The following MYO16 variants were observed in gnomAD, a reference collection of about 807,000 sequenced individuals.
MYO16 encodes myosin XVI.
MYO16 carries 94 observed loss-of-function variants against 205.3 expected under a neutral mutation model. That is an observed-to-expected ratio of 0.46 (90% confidence interval 0.39 to 0.54). The LOEUF is 0.54. MYO16 is among the 20% of genes least tolerant of loss of function. MYO16 has a pLI of 0.00. For synonymous variants in MYO16, 988 were observed against 954.0 expected (o/e 1.04, Z -0.66); for missense variants, 2,315 against 2,387.5 (o/e 0.97, Z 0.63).
At chr13:108,546,796 A>G in the MYO16 span, among the ~76,000 whole-genome samples, 21 of 152,178 alleles carry the variant, frequency 1.4e-4, no homozygotes, top group Non-Finnish European at 2.8e-4. Context: ...CTTGTTTGTC[A>G]GTGTAGTCAA....
chr13:109,029,667 G>A (rs1204977420), intron 23 of MYO16, among the ~76,000 whole-genome samples: 1 of 152,092 alleles, frequency 6.6e-6, no homozygotes, highest in East Asian at 1.9e-4. Flanking sequence ...TTTGACAAAG[G>A]TATTTTGACC....
Position 108,714,640 on chromosome 13 carries a change from T to C in MYO16, c.363+1909T>C, listed in dbSNP as rs552777579. 1.8e-4 allele frequency among the ~76,000 whole-genome samples: 27 copies of C among 150,280 alleles called. 1 individual carries two copies. In the East Asian group the frequency reaches 5.1e-3, roughly 29 times the overall value. ...TATATATAGAGAGAGAGAGATTAGA[T>C]ATGTTAATTTTTATATTTTTCAAAA... On this transcript the variant is annotated intron_variant, in intron 3 of 34. Coordinates refer to ENST00000457511, the MANE Select transcript of MYO16 (RefSeq NM_001198950.3).
intron 1 of MYO16, among the ~76,000 whole-genome samples, chr13:108,597,667 C>T (rs1420158814): frequency 6.6e-6 from 1 of 152,086 alleles, no homozygotes; most frequent in African/African-American, 2.4e-5. Flanking sequence ...CCTCTCCTGC[C>T]CTGCCGTTCC....
chr13:108,913,746 G>A (rs1428425420), intron 16 of MYO16, among the ~76,000 whole-genome samples: 1 of 152,110 alleles, frequency 6.6e-6, no homozygotes, highest in African/African-American at 2.4e-5. Flanking sequence ...CCTTGTGGAC[G>A]AACTATAACC....
At chr13:108,618,592 A>G (rs1184329318) in intron 1 of MYO16, among the ~76,000 whole-genome samples, 24 of 152,084 alleles carry the variant, frequency 1.6e-4, no homozygotes, top group Non-Finnish European at 1.5e-5. Flanking sequence ...CATTTTCCAC[A>G]CTGTGTTATA....
At chr13:108,945,960 C>T (rs1260817572) in intron 16 of MYO16, among the ~76,000 whole-genome samples, 1 of 152,078 alleles carries the variant, frequency 6.6e-6, no homozygotes, top group Non-Finnish European at 1.5e-5. Flanking sequence ...CCCATGATAT[C>T]CTGAAGCCAG....
chr13:108,561,559 TAAAGTGTGTTCC>T, the MYO16 span, among the ~76,000 whole-genome samples: 1 of 152,254 alleles, frequency 6.6e-6, no homozygotes, highest in Non-Finnish European at 1.5e-5. Context: ...TTAGGTATTA[TAAAGTGTGTTCC>T]ATTCTGTGCC....
chr13:108,560,439 A>T, the MYO16 span, among the ~76,000 whole-genome samples: 3 of 152,238 alleles, frequency 2.0e-5, no homozygotes, highest in Non-Finnish European at 4.4e-5. Context: ...TGCATTTTAA[A>T]ATAGACATTA....
At position 108,961,654 on chromosome 13, in the gene MYO16, A is replaced by G; in HGVS notation, c.2153A>G (p.Gln718Arg). Reference protein sequence around the residue: ...AFVSDLQLLEQVAGMLQVSTD... With the variant: ...AFVSDLQLLERVAGMLQVSTD... Reference sequence around the variant, plus strand: ...GTTTCTGACCTCCAGCTCCTGGAACAAGGTCAGTGGAACATGACCTTCTGA... The same window carrying G: ...GTTTCTGACCTCCAGCTCCTGGAACGAGGTCAGTGGAACATGACCTTCTGA... The change falls in exon 18 of 35, where the codon CAA becomes CGA. Residue 718 changes from glutamine (Q) to arginine (R), a missense_variant and splice_region_variant. By Grantham distance (43) the Gln-to-Arg change is conservative (BLOSUM62 1). Transcript: ENST00000457511. 1.2e-6 allele frequency: 2 copies of G among 1,609,146 alleles called. No homozygotes were observed. The highest frequency in any genetic ancestry group is 1.7e-6 in the Non-Finnish European group (2 of 1,175,520).
At chr13:108,559,430 G>C in the MYO16 span, among the ~76,000 whole-genome samples, 1 of 150,712 alleles carries the variant, frequency 6.6e-6, no homozygotes, top group East Asian at 2.0e-4. Context: ...CGTTTTAAGC[G>C]ACCCAGTTTG....
At chr13:108,609,359 G>A (rs1278682060) in intron 1 of MYO16, among the ~76,000 whole-genome samples, 1 of 152,170 alleles carries the variant, frequency 6.6e-6, no homozygotes. Context: ...GGCCACCACG[G>A]TTCCTTAACG....
At chr13:109,158,785 A>G (rs1206770281) in intron 32 of MYO16, among the ~76,000 whole-genome samples, 1 of 152,254 alleles carries the variant, frequency 6.6e-6, no homozygotes, top group Non-Finnish European at 1.5e-5. Flanking sequence ...GTGGACATTT[A>G]TTCAAAATGA....
Position 109,125,243 on chromosome 13 carries a change from A to T in MYO16, c.3667A>T (p.Ile1223Phe). Residue 1223 changes from isoleucine to phenylalanine, a missense_variant, in exon 30 of 35, where the codon ATT becomes TTT. Ile to Phe is a conservative substitution (Grantham distance 21, BLOSUM62 0). Transcript: ENST00000457511. The surrounding 1 kb of genome is among the most constrained non-coding windows in gnomAD (Gnocchi z 4.0). Reference protein sequence around the residue: ...MGLKTYDALVIQNASDIAREN... With the variant: ...MGLKTYDALVFQNASDIAREN... The stretch of plus-strand genomic sequence containing the variant: ...GCTGAAAACCTACGATGCCCTGGTC[A>T]TTCAGAATGCTTCAGACATTGCCCG... The T allele has an allele frequency of 6.2e-7, 1 of 1,614,196 alleles. No individual in the cohort carries two copies. The highest frequency in any genetic ancestry group is 1.6e-4 in the Middle Eastern group (1 of 6,062).
At position 108,605,465 on chromosome 13, in the gene MYO16, G is replaced by T. The variant is rs537201614; in HGVS notation, c.-39+9226G>T. ...TATAATCCCCACATGTTGGGTGAGG[G>T]TCCACGTGGGAAGTGATTGGATCAT... On this transcript the variant is annotated intron_variant, in intron 1 of 24. Coordinates refer to the MYO16 transcript ENST00000251041. Among the ~76,000 whole-genome samples, 235 of 152,280 alleles carry T rather than the reference G, an allele frequency of 1.5e-3. 1 individual carries two copies. The highest frequency in any genetic ancestry group is 2.6e-3 in the Non-Finnish European group (180 of 68,014).
chr13:108,794,493 A>G (rs1211146782), intron 6 of MYO16, among the ~76,000 whole-genome samples: 2 of 152,238 alleles, frequency 1.3e-5, no homozygotes, highest in Non-Finnish European at 2.9e-5. Flanking sequence ...TTATAGGAGC[A>G]TGCTTTCATT....
At chr13:108,893,040 T>G (rs189367311) in intron 14 of MYO16, among the ~76,000 whole-genome samples, 4 of 152,298 alleles carry the variant, frequency 2.6e-5, no homozygotes, top group Admixed American at 6.5e-5. Context: ...ATAAATGACT[T>G]CTAGTCTCAT....
chr13:108,833,836 ATC>A (rs1876752524), intron 9 of MYO16, among the ~76,000 whole-genome samples: 1 of 152,132 alleles, frequency 6.6e-6, no homozygotes, highest in African/African-American at 2.4e-5. Context: ...TCAGAGTTAA[ATC>A]TGTCTCTACT....
chr13:108,626,475 A>G (rs1007074632), upstream of MYO16, among the ~76,000 whole-genome samples: 14 of 152,174 alleles, frequency 9.2e-5, no homozygotes, highest in African/African-American at 3.4e-4. Flanking sequence ...AGCCTTGGTC[A>G]TTTCTTGCTA....
chr13:108,577,453 C>T, the MYO16 span, among the ~76,000 whole-genome samples: 20 of 152,260 alleles, frequency 1.3e-4, 1 homozygote, highest in East Asian at 2.5e-3. Flanking sequence ...ACCAGCACAG[C>T]GTGGTCTAGT....
Sources: allele counts gnomAD v4.1 joint callset (sites outside exome capture counted in the v4.1 genomes callset), GRCh38; gene constraint gnomAD v4.1.1; non-coding constraint Gnocchi (gnomAD v3.1); transcripts MANE v1.5; gene names NCBI Gene and HGNC (gene_info 2026-07-23, HGNC 2026-07-21).